Variants in EML4 observed in about 807,000 individuals in gnomAD.
EML4 encodes EMAP like 4.
Under a neutral mutation model 129.0 loss-of-function variants are expected in EML4, and 72 were observed. The observed-to-expected ratio is 0.56, with a 90% CI of 0.46 to 0.68. The LOEUF (loss-of-function observed/expected upper bound fraction) is 0.68, where lower values mean the gene tolerates loss of function less well. Ranked by LOEUF, EML4 falls within the 30% of genes least tolerant of loss-of-function variation. The pLI is 0.00. For missense variants in EML4, 1,363 were observed against 1,190.6 expected (o/e 1.14, Z -2.13); for synonymous variants, 532 against 405.0 (o/e 1.31, Z -3.77).
chr2:42,196,589 C>T (rs1269273020), intron 1 of EML4, among the ~76,000 whole-genome samples: 1 of 152,146 alleles, frequency 6.6e-6, no homozygotes, highest in Non-Finnish European at 1.5e-5. Context: ...CTTAATCTGG[C>T]AGCTGGCGAG....
At chr2:42,217,317 G>A (rs1572562202) in intron 1 of EML4, among the ~76,000 whole-genome samples, 1 of 152,032 alleles carries the variant, frequency 6.6e-6, no homozygotes, top group Admixed American at 6.6e-5. Context: ...CAAGGCAGTT[G>A]AGTCTCTAAG....
At chr2:42,263,788 G>C (rs1018680020) in intron 5 of EML4, among the ~76,000 whole-genome samples, 6 of 151,768 alleles carry the variant, frequency 4.0e-5, no homozygotes, top group African/African-American at 1.5e-4. Context: ...GGAGTGCAGT[G>C]GCACAATCTT....
At position 42,197,066 on chromosome 2, in the gene EML4, A is replaced by G. The variant is rs1671934162; in HGVS notation, c.25+27430A>G. Among the ~76,000 whole-genome samples, 4 of 152,236 alleles carry G rather than the reference A, an allele frequency of 2.6e-5. No homozygotes were observed. In the South Asian group the frequency reaches 6.2e-4, roughly 24 times the overall value. ...AGTAAATGTTGGTTTAAGGAAGTAA[A>G]TTGTGTCTTTATTTATTTTTTGAGA... is the stretch of plus-strand genomic sequence containing the variant. On this transcript the variant is annotated intron_variant, in intron 1 of 22. Transcript: ENST00000318522.
intron 13 of EML4, among the ~76,000 whole-genome samples, chr2:42,297,075 T>C (rs1026231831): frequency 6.6e-6 from 1 of 152,252 alleles, no homozygotes; most frequent in Non-Finnish European, 1.5e-5. Context: ...ATCTCAATCA[T>C]TGGCCATATA....
intron 1 of EML4, among the ~76,000 whole-genome samples, chr2:42,222,874 C>G (rs1673700978): frequency 6.6e-6 from 1 of 152,108 alleles, no homozygotes; most frequent in African/African-American, 2.4e-5. Context: ...TCTCGGCTCA[C>G]TGCAAGCTCC....
In EML4 at chr2:42,211,743, G is replaced by A. The variant is rs201298744; in HGVS notation, c.26-33762G>A. ...TCGTGTGTTGCCAATGTTTTAAGTAGGGTAAAATTTACCCCTTGTCTTGGT... is the reference window on the plus strand; with the variant it reads ...TCGTGTGTTGCCAATGTTTTAAGTAAGGTAAAATTTACCCCTTGTCTTGGT... On this transcript the variant is annotated intron_variant, in intron 1 of 22. Coordinates refer to ENST00000318522, the MANE Select transcript of EML4 (RefSeq NM_019063.5). 5.9e-5 allele frequency among the ~76,000 whole-genome samples: 9 copies of A among 152,058 alleles called. No individual in the cohort carries two copies. The East Asian group carries it at 1.2e-3, about 20-fold the overall frequency.
At chr2:42,186,123 T>C (rs527246479) in intron 1 of EML4, among the ~76,000 whole-genome samples, 1 of 152,310 alleles carries the variant, frequency 6.6e-6, no homozygotes, top group South Asian at 2.1e-4. Context: ...GCTGTGTCTG[T>C]TTTTACCTGG....
At chr2:42,215,953 C>G (rs1318655809) in intron 1 of EML4, among the ~76,000 whole-genome samples, 2 of 151,722 alleles carry the variant, frequency 1.3e-5, no homozygotes, top group Admixed American at 6.6e-5. Flanking sequence ...CGGAGTCTAG[C>G]TCTGTCACCC....
chr2:42,232,226 T>C (rs567605900), intron 1 of EML4, among the ~76,000 whole-genome samples: 1 of 152,086 alleles, frequency 6.6e-6, no homozygotes, highest in Admixed American at 6.5e-5. Context: ...ATATACAAAT[T>C]AGTAATGCAC....
intron 1 of EML4, among the ~76,000 whole-genome samples, chr2:42,203,469 T>G (rs1465666768): frequency 4.6e-5 from 7 of 152,202 alleles, no homozygotes; most frequent in African/African-American, 1.7e-4. Context: ...TAGCTGTAAT[T>G]AAACTTATTA....
intron 17 of EML4, among the ~76,000 whole-genome samples, chr2:42,314,600 A>G (rs112900790): frequency 6.6e-6 from 1 of 152,292 alleles, no homozygotes; most frequent in Non-Finnish European, 1.5e-5. Context: ...CTGCACTACT[A>G]TTAAATACCT....
chr2:42,191,956 A>G (rs927254213), intron 1 of EML4, among the ~76,000 whole-genome samples: 1 of 151,992 alleles, frequency 6.6e-6, no homozygotes, highest in African/African-American at 2.4e-5. Context: ...CCAGGCCAAC[A>G]CGGTGAAACT....
intron 1 of EML4, among the ~76,000 whole-genome samples, chr2:42,226,252 A>G (rs978032137): frequency 6.6e-6 from 1 of 152,144 alleles, no homozygotes; most frequent in African/African-American, 2.4e-5. Context: ...TAGCCATGAC[A>G]CTGAAGGGAC....
At chr2:42,294,058 G>C (rs763314332) in intron 11 of EML4, among the ~76,000 whole-genome samples, 17 of 152,318 alleles carry the variant, frequency 1.1e-4, no homozygotes, top group Non-Finnish European at 1.5e-5. Flanking sequence ...TCAGTGTTAA[G>C]TTTGAGTAGA....
chr2:42,260,867 T>C (rs1253702469), intron 3 of EML4, among the ~76,000 whole-genome samples: 1 of 152,238 alleles, frequency 6.6e-6, no homozygotes, highest in Non-Finnish European at 1.5e-5. Context: ...CAAAGTTTAT[T>C]AGAGACCATT....
At chr2:42,260,988 G>A in intron 3 of EML4, 133 bp from the exon 4 acceptor site, 1 of 628,704 alleles carries the variant, frequency 1.6e-6, no homozygotes, top group Non-Finnish European at 2.7e-6. Flanking sequence ...TGTCCTTATT[G>A]AATGAAAACA....
At chr2:42,283,569 C>G (rs969336776) in intron 8 of EML4, among the ~76,000 whole-genome samples, 2 of 152,026 alleles carry the variant, frequency 1.3e-5, no homozygotes, top group East Asian at 3.8e-4. Flanking sequence ...GATCCAAGGA[C>G]TGACTGGATG....
chr2:42,200,912 G>C (rs1242641306), intron 1 of EML4, among the ~76,000 whole-genome samples: 1 of 152,116 alleles, frequency 6.6e-6, no homozygotes, highest in East Asian at 1.9e-4. Flanking sequence ...TTTATTCCAA[G>C]TCTTTTCCAC....
At position 42,330,164 on chromosome 2, in the gene EML4, C is replaced by T. The variant is rs764485189; in HGVS notation, c.2903C>T (p.Ala968Val). 6.2e-7 allele frequency: 1 copy of T among 1,612,276 alleles called. No homozygotes were observed. The highest frequency in any genetic ancestry group is 1.1e-5 in the South Asian group (1 of 90,930). ...CNEISKEQAK[A>V]TLLEDQQDPS... is the part of the protein sequence containing the mutation. Reference sequence around the variant, plus strand: ...GAGATAAGCAAGGAGCAGGCCAAAGCCACCCTTCTGGAGGACCAGCAAGAC... The same window carrying T: ...GAGATAAGCAAGGAGCAGGCCAAAGTCACCCTTCTGGAGGACCAGCAAGAC... Residue 968 changes from alanine to valine, a missense_variant, in exon 23 of 23, where the codon GCC (alanine) becomes GTC (valine). Physicochemically the swap from Ala to Val is moderately conservative, Grantham distance 64. Coordinates refer to ENST00000318522, the MANE Select transcript of EML4 (RefSeq NM_019063.5).
Sources: gnomAD v4.1 joint callset for allele counts (sites outside exome capture counted in the v4.1 genomes callset) on GRCh38, gnomAD v4.1.1 for gene constraint, MANE v1.5 for transcripts, NCBI Gene and HGNC (gene_info 2026-07-23, HGNC 2026-07-21) for gene names.